KCNA7: variants seen among roughly 807,000 people sequenced by gnomAD.
The protein encoded by KCNA7 is potassium channel, voltage gated shaker related subfamily A, member 7.
KCNA7 carries 15 observed loss-of-function variants against 21.5 expected under a neutral mutation model. The ratio of observed to expected loss-of-function variants is 0.70; its 90% confidence interval spans 0.47 to 1.07. The LOEUF is 1.07. Among genes scored for constraint, KCNA7 ranks in the 50% least tolerant of loss-of-function variants. The pLI, the probability that KCNA7 is intolerant of heterozygous loss-of-function variation, is 0.00. For missense variants in KCNA7, 640 were observed against 651.6 expected, an observed-to-expected ratio of 0.98 and a Z score of 0.19; for synonymous variants, 298 against 291.0, an observed-to-expected ratio of 1.02 and a Z score of -0.24.
At position 49,070,594 on chromosome 19, in the gene KCNA7, G is replaced by T. The variant is rs1196745531; in HGVS notation, c.840C>A (p.Ile280=). ...AGATGCGGAAGACACGCACCAATCGGATGACTCTCAGGATGGCCAGTGACA... is the reference window on the plus strand; with the variant it reads ...AGATGCGGAAGACACGCACCAATCGTATGACTCTCAGGATGGCCAGTGACA... ...QAMSLAILRV[I]RLVRVFRIFK... is the part of the protein sequence containing the mutation. Residue 280 remains isoleucine (I), a synonymous_variant, in exon 2 of 2, where the codon ATC becomes ATA. Coordinates refer to ENST00000221444, the MANE Select transcript of KCNA7 (RefSeq NM_031886.3). This position sits in a 1 kb window ranked among gnomAD's most constrained non-coding sequence, Gnocchi z 4.3. 3 of 1,614,210 alleles carry T rather than the reference G, an allele frequency of 1.9e-6. No individual in the cohort carries two copies. The highest frequency in any genetic ancestry group is 2.5e-6 in the Non-Finnish European group (3 of 1,180,040).
Position 49,072,105 on chromosome 19 carries a change from A to G in KCNA7, c.481T>C (p.Cys161Arg). The change falls in exon 1 of 2, where the codon TGC becomes CGC. Residue 161 changes from cysteine to arginine, a missense_variant. Coordinates refer to ENST00000221444, the MANE Select transcript of KCNA7 (RefSeq NM_031886.3). Reference sequence around the variant, plus strand: ...CGGAAGTCAGGCAGCGTCTCGAGGCAGAAGACGACGATGGAGACGAGGATG... The same window carrying G: ...CGGAAGTCAGGCAGCGTCTCGAGGCGGAAGACGACGATGGAGACGAGGATG... ...LVILVSIVVFCLETLPDFRDD... is the reference protein window; with the variant it reads ...LVILVSIVVFRLETLPDFRDD... 6.2e-7 allele frequency: 1 copy of G among 1,612,282 alleles called. No homozygotes were observed. The highest frequency in any genetic ancestry group is 8.5e-7 in the Non-Finnish European group (1 of 1,179,634).
Position 49,072,375 on chromosome 19 carries a change from A to T in KCNA7, c.211T>A (p.Tyr71Asn). ...CGCAGCCGCCCACCGGACTGGTAGT[A>T]GTAGAGCACGGCGTCGAAGCTGGGC... Reference protein sequence around the residue: ...HRPSFDAVLYYYQSGGRLRRP... With the variant: ...HRPSFDAVLYNYQSGGRLRRP... Residue 71 changes from tyrosine to asparagine, a missense_variant, in exon 1 of 2, where the codon TAC (tyrosine) becomes AAC (asparagine). Physicochemically the swap from Tyr to Asn is moderately radical, Grantham distance 143 (BLOSUM62 -2). Transcript: ENST00000221444. 1 of 1,592,504 alleles carries T rather than the reference A, an allele frequency of 6.3e-7. No individual in the cohort carries two copies. Among genetic ancestry groups the T allele is most frequent in the Non-Finnish European group, 8.5e-7 (1 of 1,174,756 alleles).
At position 49,070,081 on chromosome 19, in the gene KCNA7, G is replaced by T. The variant is rs2122253166; in HGVS notation, c.1353C>A (p.His451Gln). The change falls in exon 2 of 2, where the codon CAC (histidine) becomes CAA (glutamine). Residue 451 changes from histidine to glutamine, a missense_variant. Physicochemically the swap from His to Gln is conservative, Grantham distance 24. Transcript: ENST00000221444. This position sits in a 1 kb window ranked among gnomAD's most constrained non-coding sequence, Gnocchi z 4.3. Reference sequence around the variant, plus strand: ...CTGTTCCTCACACTTCGGTGACCAGGTGTTTCCCTGGGGGTGCCCAGAGTG... The same window carrying T: ...CTGTTCCTCACACTTCGGTGACCAGTTGTTTCCCTGGGGGTGCCCAGAGTG... The part of the protein sequence containing the change: ...PPPLWAPPGK[H>Q]LVTEV The T allele has an allele frequency of 6.2e-7, 1 of 1,607,410 alleles. No individual in the cohort carries two copies. Among genetic ancestry groups the T allele is most frequent in the East Asian group, 2.2e-5 (1 of 44,664 alleles).
In KCNA7 at chr19:49,069,429, C is replaced by T. The variant is rs1490318479; in HGVS notation, c.*634G>A. 2 of 152,582 alleles carry T rather than the reference C, an allele frequency of 1.3e-5. No individual in the cohort carries two copies. The highest frequency in any genetic ancestry group is 2.1e-4 in the South Asian group (1 of 4,838). The allele number at this position is 152,582 out of a possible 1,614,324, so 9.5% of individuals were successfully genotyped here. On this transcript the variant is annotated 3_prime_UTR_variant, in exon 2 of 2. Transcript: ENST00000221444. ...ACCCTACAAGATTCATTTGGTCATA[C>T]AAACTTAACCCAATGTGACCTAGAA...
In KCNA7 at chr19:49,072,684, C is replaced by A. The variant is rs1187565352; in HGVS notation, c.-99G>T. On this transcript the variant is annotated 5_prime_UTR_variant, in exon 1 of 2. Transcript: ENST00000221444. ...GCCGCCTCGGCCGCCGCCGCCGCCG[C>A]CCCAGCCCGGTGTCCGGTGTCCGGT... 3 of 870,192 alleles carry A rather than the reference C, an allele frequency of 3.4e-6. No homozygotes were observed. Among genetic ancestry groups the A allele is most frequent in the African/African-American group, 1.9e-5 (1 of 52,500 alleles). The allele number at this position is 870,192 out of a possible 1,614,324, so 53.9% of individuals were successfully genotyped here.
intron 1 of KCNA7, among the ~76,000 whole-genome samples, chr19:49,071,830 T>G (rs968422024): frequency 1.3e-5 from 2 of 152,186 alleles, no homozygotes; most frequent in African/African-American, 4.8e-5. Flanking sequence ...CACGCCGGGT[T>G]TCTCACTGAC....
rs2040249599 is a variant in KCNA7, at chr19:49,070,536, T to C, written c.898A>G (p.Ile300Val). 1.2e-6 allele frequency: 2 copies of C among 1,613,958 alleles called. No homozygotes were observed. The highest frequency in any genetic ancestry group is 1.3e-5 in the African/African-American group (1 of 74,902). ...GAGGCCCGAAGCGTCTGGCCCAAGATTTGCAGGCCCTTTGAGTGCCGGGAC... is the reference window on the plus strand; with the variant it reads ...GAGGCCCGAAGCGTCTGGCCCAAGACTTGCAGGCCCTTTGAGTGCCGGGAC... ...KLSRHSKGLQ[I>V]LGQTLRASMR... The change falls in exon 2 of 2, where the codon ATC becomes GTC. Residue 300 changes from isoleucine to valine, a missense_variant. Physicochemically the swap from Ile to Val is conservative, Grantham distance 29 (BLOSUM62 3). Transcript: ENST00000221444. The surrounding 1 kb of genome is among the most constrained non-coding windows in gnomAD (Gnocchi z 4.3).
Position 49,071,841 on chromosome 19 carries a change from C to G in KCNA7, c.555+190G>C, listed in dbSNP as rs553131415. 8.5e-5 allele frequency among the ~76,000 whole-genome samples: 13 copies of G among 152,352 alleles called. No individual in the cohort carries two copies. The South Asian group carries it at 2.1e-3, about 24-fold the overall frequency. ...TCTTCACGCCGGGTTTCTCACTGAC[C>G]TCAACCCCACCTTCTGATGGGGCAG... On this transcript the variant is annotated intron_variant, in intron 1 of 1. Transcript: ENST00000221444.
chr19:49,067,548 TG>T lies in KCNA7; in HGVS notation c.*2514del, dbSNP rs1436636266. 1 of 152,244 alleles carries T rather than the reference TG, an allele frequency of 6.6e-6. No homozygotes were observed. Among genetic ancestry groups the T allele is most frequent in the Non-Finnish European group, 1.5e-5 (1 of 68,046 alleles). The allele number at this position is 152,244 out of a possible 1,614,324, so 9.4% of individuals were successfully genotyped here. The stretch of plus-strand genomic sequence containing the variant: ...CTGAAAATGTTCGGCCTTGTGACCT[TG>T]GGTAACACCTGCTGCTCTGAGCCTC... On this transcript the variant is annotated 3_prime_UTR_variant, in exon 2 of 2. Transcript: ENST00000221444.
rs2040244678 is a variant in KCNA7, at chr19:49,070,004, CCCTGCCCTCCCT to C, written c.*47_*58del. ...CCCCTCCCCCCAGCCTTGCCCTCCACCCTGCCCTCCCTCCCTCCCTCTAGGGAGGTGTGAGGT... is the reference window on the plus strand; with the variant it reads ...CCCCTCCCCCCAGCCTTGCCCTCCACCCCTCCCTCTAGGGAGGTGTGAGGT... On this transcript the variant is annotated 3_prime_UTR_variant, in exon 2 of 2. Coordinates refer to ENST00000221444, the MANE Select transcript of KCNA7 (RefSeq NM_031886.3). The surrounding 1 kb of genome is among the most constrained non-coding windows in gnomAD (Gnocchi z 4.3). 7.2e-6 allele frequency: 10 copies of C among 1,383,512 alleles called. No individual in the cohort carries two copies. The highest frequency in any genetic ancestry group is 8.0e-6 in the Non-Finnish European group (8 of 1,003,170). 85.7% of individuals were successfully genotyped at this position (1,383,512 alleles called of 1,614,324 possible). A position where few individuals can be genotyped will look rare whatever the true frequency, so the allele number is the denominator to read the frequency against.
chr19:49,072,408 G>C lies in KCNA7; in HGVS notation c.178C>G (p.Arg60Gly), dbSNP rs780734696. 3.2e-6 allele frequency: 5 copies of C among 1,583,342 alleles called. No homozygotes were observed. In the South Asian group the frequency reaches 5.6e-5, roughly 18 times the overall value. Residue 60 changes from arginine (R) to glycine (G), a missense_variant, in exon 1 of 2, where the codon CGG (arginine) becomes GGG (glycine). Arg to Gly is a moderately radical substitution (Grantham distance 125). Transcript: ENST00000221444. ...ACGGCGTCGAAGCTGGGCCGGTGCC[G>C]GTCGAAGAAATACTCGCGGCGCGCG... The part of the protein sequence containing the change: ...DDARREYFFD[R>G]HRPSFDAVLY...
rs2040248319 is a variant in KCNA7 at position 49,070,391 on chromosome 19, G to C, written c.1043C>G (p.Ser348Cys). 1.2e-6 allele frequency: 2 copies of C among 1,614,142 alleles called. No individual in the cohort carries two copies. Among genetic ancestry groups the C allele is most frequent in the South Asian group, 2.2e-5 (2 of 91,090 alleles). ...VDSHFTSIPE[S>C]FWWAVVTMTT... is the part of the protein sequence containing the mutation. ...CATGGTGACTACCGCCCACCAGAAG[G>C]ACTCAGGGATGCTAGTGAAATGGGA... Residue 348 changes from serine (S) to cysteine (C), a missense_variant, in exon 2 of 2, where the codon TCC becomes TGC. By Grantham distance (112) the Ser-to-Cys change is moderately radical. Transcript: ENST00000221444. The surrounding 1 kb of genome is among the most constrained non-coding windows in gnomAD (Gnocchi z 4.3).
chr19:49,070,225 C>T lies in KCNA7; in HGVS notation c.1209G>A (p.Arg403=). Residue 403 remains arginine, a synonymous_variant, in exon 2 of 2, where the codon CGG becomes CGA. Coordinates refer to ENST00000221444, the MANE Select transcript of KCNA7 (RefSeq NM_031886.3). The surrounding 1 kb of genome is among the most constrained non-coding windows in gnomAD (Gnocchi z 4.3). ...IVSNFSYFYH[R]ETEGEEAGMF... Reference sequence around the variant, plus strand: ...TCCCAGCCTCTTCGCCCTCTGTCTCCCGGTGATAAAAGTAGCTGAAATTGG... The same window carrying T: ...TCCCAGCCTCTTCGCCCTCTGTCTCTCGGTGATAAAAGTAGCTGAAATTGG... 6.2e-7 allele frequency: 1 copy of T among 1,614,198 alleles called. No homozygotes were observed. The highest frequency in any genetic ancestry group is 8.5e-7 in the Non-Finnish European group (1 of 1,180,034).
At position 49,069,987 on chromosome 19, in the gene KCNA7, C is replaced by G; in HGVS notation, c.*76G>C. On this transcript the variant is annotated 3_prime_UTR_variant, in exon 2 of 2. Transcript: ENST00000221444. ...CTCTTCCTAAACCCAATCCCCTCCCCCCAGCCTTGCCCTCCACCCTGCCCT... is the reference window on the plus strand; with the variant it reads ...CTCTTCCTAAACCCAATCCCCTCCCGCCAGCCTTGCCCTCCACCCTGCCCT... The G allele has an allele frequency of 8.4e-7, 1 of 1,196,870 alleles. No individual in the cohort carries two copies. The allele number at this position is 1,196,870 out of a possible 1,614,324, so 74.1% of individuals were successfully genotyped here.
intron 1 of KCNA7, among the ~76,000 whole-genome samples, chr19:49,071,321 GC>G (rs1568412240): frequency 6.6e-6 from 1 of 152,102 alleles, no homozygotes; most frequent in African/African-American, 2.4e-5. Context: ...ACTTTGGGAA[GC>G]CGAGGCGGGC....
Position 49,070,996 on chromosome 19 carries a change from A to C in KCNA7, c.556-118T>G. 1.2e-6 allele frequency: 1 copy of C among 829,642 alleles called. No homozygotes were observed. The highest frequency in any genetic ancestry group is 1.8e-6 in the Non-Finnish European group (1 of 542,370). The allele number at this position is 829,642 out of a possible 1,614,324, so 51.4% of individuals were successfully genotyped here. ...ACATTGGTCAGTAGCCGCTGCGCCA[A>C]GGCCCTCCGTGACCTGGTTATCCCA... is the stretch of plus-strand genomic sequence containing the variant. On this transcript the variant is annotated intron_variant, in intron 1 of 1. Coordinates refer to ENST00000221444, the MANE Select transcript of KCNA7 (RefSeq NM_031886.3). This position sits in a 1 kb window ranked among gnomAD's most constrained non-coding sequence, Gnocchi z 4.3.
chr19:49,072,522 G>T lies in KCNA7; in HGVS notation c.64C>A (p.Leu22Met), dbSNP rs1454458635. The T allele has an allele frequency of 2.1e-6, 3 of 1,463,106 alleles. No individual in the cohort carries two copies. The highest frequency in any genetic ancestry group is 2.7e-6 in the Non-Finnish European group (3 of 1,116,462). 90.6% of individuals were successfully genotyped at this position (1,463,106 alleles called of 1,614,324 possible). A position where few individuals can be genotyped will look rare whatever the true frequency, so the allele number is the denominator to read the frequency against. Residue 22 changes from leucine to methionine, a missense_variant, in exon 1 of 2, where the codon CTG (leucine) becomes ATG (methionine). Transcript: ENST00000221444. ...CERLVLNVAGLRFETRARTLG... is the reference protein window; with the variant it reads ...CERLVLNVAGMRFETRARTLG... Reference sequence around the variant, plus strand: ...GTGCGCGCCCGCGTCTCGAAGCGCAGCCCGGCCACGTTGAGCACCAGCCGC... The same window carrying T: ...GTGCGCGCCCGCGTCTCGAAGCGCATCCCGGCCACGTTGAGCACCAGCCGC...
intron 1 of KCNA7, among the ~76,000 whole-genome samples, chr19:49,071,659 C>T (rs963538195): frequency 2.6e-5 from 4 of 152,266 alleles, no homozygotes; most frequent in Admixed American, 2.6e-4. Flanking sequence ...CCTACTGTCG[C>T]CCCTCGGGCT....
Position 49,072,248 on chromosome 19 carries a change from G to T in KCNA7, c.338C>A (p.Pro113Gln). The part of the protein sequence containing the change: ...LARLREDEGC[P>Q]VPPERPLPRR... ...GGGCAGGGGGCGCTCGGGCGGCACC[G>T]GGCAGCCCTCGTCCTCGCGCAGGCG... Residue 113 changes from proline to glutamine, a missense_variant, in exon 1 of 2, where the codon CCG (proline) becomes CAG (glutamine). Pro to Gln is a moderately conservative substitution (Grantham distance 76). Transcript: ENST00000221444. The T allele has an allele frequency of 3.1e-6, 5 of 1,590,472 alleles. No homozygotes were observed. Among genetic ancestry groups the T allele is most frequent in the East Asian group, 2.3e-5 (1 of 43,804 alleles).
Sources: gnomAD v4.1 joint callset for allele counts (sites outside exome capture counted in the v4.1 genomes callset) on GRCh38, gnomAD v4.1.1 for gene constraint, Gnocchi (gnomAD v3.1) non-coding constraint, MANE v1.5 for transcripts, NCBI Gene and HGNC (gene_info 2026-07-23, HGNC 2026-07-21) for gene names.